TMOD2: variants seen among roughly 807,000 people sequenced by gnomAD.
TMOD2 encodes tropomodulin 2, also known as tropomodulin-2.
TMOD2 carries 22 observed loss-of-function variants against 39.9 expected under a neutral mutation model. The ratio of observed to expected loss-of-function variants is 0.55; its 90% CI spans 0.39 to 0.79. The LOEUF (loss-of-function observed/expected upper bound fraction) is 0.79, where lower values mean the gene tolerates loss of function less well. TMOD2 is among the 30% of genes least tolerant of loss of function. The pLI, the probability that TMOD2 is intolerant of heterozygous loss-of-function variation, is 0.00. For synonymous variants in TMOD2, 123 were observed against 146.1 expected, an observed-to-expected ratio of 0.84 and a Z score of 1.14; for missense variants, 386 against 413.3, an observed-to-expected ratio of 0.93 and a Z score of 0.57.
chr15:51,788,838 A>G (rs1258160811), intron 7 of TMOD2, among the ~76,000 whole-genome samples: 2 of 152,250 alleles, frequency 1.3e-5, no homozygotes, highest in African/African-American at 2.4e-5. Context: ...GACCTGCCTT[A>G]CAAGAGCTCC....
intron 5 of TMOD2, among the ~76,000 whole-genome samples, chr15:51,779,870 C>G (rs940478659): frequency 2.6e-5 from 4 of 152,042 alleles, no homozygotes; most frequent in African/African-American, 9.7e-5. Flanking sequence ...ATTGTAGAGG[C>G]TGGGTCTCAC....
intron 3 of TMOD2, among the ~76,000 whole-genome samples, chr15:51,773,310 T>C (rs1323084163): frequency 6.6e-6 from 1 of 152,192 alleles, no homozygotes; most frequent in African/African-American, 2.4e-5. Context: ...GGCATATCCC[T>C]TTGGCCTCAT....
chr15:51,759,893 C>G (rs1165580537), intron 1 of TMOD2, among the ~76,000 whole-genome samples: 2 of 152,226 alleles, frequency 1.3e-5, no homozygotes, highest in African/African-American at 4.8e-5. Flanking sequence ...TGAGGCCAGC[C>G]AGGGGCAGGC....
At chr15:51,778,392 C>G (rs954465469) in intron 5 of TMOD2, among the ~76,000 whole-genome samples, 10 of 147,206 alleles carry the variant, frequency 6.8e-5, no homozygotes, top group African/African-American at 2.5e-4. Flanking sequence ...TGCTAAATGA[C>G]GAGTTAATGG....
chr15:51,806,634 A>G, intron 9 of TMOD2, 113 bp downstream of exon 9: 1 of 1,196,016 alleles, frequency 8.4e-7, no homozygotes, highest in Non-Finnish European at 1.2e-6. Context: ...GATGTCACTC[A>G]CTTCTTCATA....
chr15:51,801,621 C>T (rs1475287582), intron 8 of TMOD2, among the ~76,000 whole-genome samples: 2 of 152,118 alleles, frequency 1.3e-5, no homozygotes, highest in African/African-American at 4.8e-5. Context: ...GGCTCCAGGT[C>T]AATGTGCAGT....
chr15:51,753,452 G>C (rs536165119), intron 1 of TMOD2, among the ~76,000 whole-genome samples: 1 of 152,218 alleles, frequency 6.6e-6, no homozygotes, highest in East Asian at 1.9e-4. Context: ...AAGACTTGGC[G>C]ATGGGGCAGA....
At chr15:51,762,800 G>A (rs1010916838) in intron 1 of TMOD2, among the ~76,000 whole-genome samples, 2 of 152,140 alleles carry the variant, frequency 1.3e-5, no homozygotes, top group Non-Finnish European at 2.9e-5. Flanking sequence ...GAATCCTGCA[G>A]TATACATTCT....
intron 1 of TMOD2, among the ~76,000 whole-genome samples, chr15:51,758,458 A>G (rs959554273): frequency 3.9e-5 from 6 of 152,234 alleles, no homozygotes; most frequent in African/African-American, 1.4e-4. Flanking sequence ...GCTCCATCAC[A>G]GGGAGAGGAA....
At chr15:51,798,120 G>A (rs1408847621) in intron 7 of TMOD2, 77 bp from the exon 8 acceptor site, 2 of 1,278,528 alleles carry the variant, frequency 1.6e-6, no homozygotes, top group African/African-American at 3.0e-5. Flanking sequence ...TATTTAATTT[G>A]GGAGTGAGGG....
intron 4 of TMOD2, among the ~76,000 whole-genome samples, chr15:51,775,428 C>A (rs1268980345): frequency 6.6e-6 from 1 of 152,062 alleles, no homozygotes; most frequent in Non-Finnish European, 1.5e-5. Context: ...CAATGGGAGC[C>A]AAATTATAAT....
chr15:51,769,571 A>G (rs1267272879), intron 3 of TMOD2, among the ~76,000 whole-genome samples: 2 of 152,192 alleles, frequency 1.3e-5, no homozygotes, highest in Non-Finnish European at 2.9e-5. Context: ...CTCTGAGCCA[A>G]GAATAGGAAA....
At chr15:51,764,087 A>T (rs1206195113) in intron 1 of TMOD2, among the ~76,000 whole-genome samples, 9 of 41,898 alleles carry the variant, frequency 2.1e-4, no homozygotes, top group African/African-American at 6.6e-4. Flanking sequence ...TAAAGATTTA[A>T]AAAAAAAAAA....
chr15:51,802,739 C>T (rs1595879185), intron 8 of TMOD2, among the ~76,000 whole-genome samples: 1 of 152,196 alleles, frequency 6.6e-6, no homozygotes, highest in East Asian at 1.9e-4. Context: ...ACTCTGAGGT[C>T]AGCATCTCTT....
chr15:51,787,337 A>G (rs1050927255), intron 7 of TMOD2, among the ~76,000 whole-genome samples: 3 of 152,224 alleles, frequency 2.0e-5, no homozygotes, highest in Non-Finnish European at 4.4e-5. Flanking sequence ...AGTGTAAACA[A>G]AGCGGCATGG....
chr15:51,760,142 T>A (rs1248400625), intron 1 of TMOD2, among the ~76,000 whole-genome samples: 1 of 152,202 alleles, frequency 6.6e-6, no homozygotes. Flanking sequence ...ATGGAAGTAT[T>A]TGGGTAAGAG....
intron 1 of TMOD2, among the ~76,000 whole-genome samples, chr15:51,761,372 C>A (rs376968775): frequency 1.3e-5 from 2 of 152,032 alleles, no homozygotes; most frequent in Non-Finnish European, 2.9e-5. Context: ...TTAATCTAGA[C>A]GGCAACTCTG....
rs929672263 is a variant in TMOD2 at position 51,783,180 on chromosome 15, G to A, written c.732+352G>A. On this transcript the variant is annotated intron_variant, in intron 7 of 9. Transcript: ENST00000249700. ...GACCCTAAAGCCCTTCAGGAATTAG[G>A]CATCTATAGAAATATTGAAGTAGCT... 2.4e-5 allele frequency: 5 copies of A among 207,396 alleles called. No individual in the cohort carries two copies. The East Asian group carries it at 8.0e-4, about 33-fold the overall frequency. 12.8% of individuals were successfully genotyped at this position (207,396 alleles called of 1,614,324 possible). A position where few individuals can be genotyped will look rare whatever the true frequency, so the allele number is the denominator to read the frequency against.
intron 8 of TMOD2, 52 bp downstream of exon 8, chr15:51,798,392 C>CG: frequency 2.5e-6 from 4 of 1,583,666 alleles, no homozygotes; most frequent in East Asian, 2.3e-5. Context: ...GTGCAGTGAG[C>CG]GGGGGAAATG....
Sources: allele counts gnomAD v4.1 joint callset (sites outside exome capture counted in the v4.1 genomes callset), GRCh38; gene constraint gnomAD v4.1.1; transcripts MANE v1.5; gene names NCBI Gene and HGNC (gene_info 2026-07-23, HGNC 2026-07-21).